Variants in ANK2 observed in about 807,000 individuals in gnomAD.
ANK2 encodes the protein ankyrin 2.
A neutral mutation model predicts 360.5 loss-of-function variants in ANK2; 83 were observed. That is an observed-to-expected ratio of 0.23 (90% CI 0.19 to 0.28). The LOEUF (loss-of-function observed/expected upper bound fraction) is 0.28, where lower values mean the gene tolerates loss of function less well. Among genes scored for constraint, ANK2 ranks in the 10% least tolerant of loss-of-function variants. The pLI is 1.00. For synonymous variants in ANK2, 1,740 were observed against 1,759.5 expected (o/e 0.99, Z 0.28); for missense variants, 4,201 against 4,795.7 (o/e 0.88, Z 3.66).
chr4:113,011,784 G>T (rs1433090857), intron 2 of ANK2, among the ~76,000 whole-genome samples: 1 of 151,984 alleles, frequency 6.6e-6, no homozygotes, highest in African/African-American at 2.4e-5. Flanking sequence ...AGTGCCTTTA[G>T]CTCAAAATAA....
chr4:113,170,119 T>C (rs1232097907), intron 1 of ANK2, among the ~76,000 whole-genome samples: 1 of 152,242 alleles, frequency 6.6e-6, no homozygotes, highest in Non-Finnish European at 1.5e-5. Flanking sequence ...TAAGAGAATA[T>C]AATCTTTGAA....
At chr4:112,798,225 T>C in the ANK2 span, 16 of 152,440 alleles carry the variant, frequency 1.0e-4, no homozygotes, top group Admixed American at 1.0e-3. Context: ...AACTTGATAG[T>C]AATATTTCTT....
intron 12 of ANK2, 21 bp from the exon 13 acceptor site, chr4:113,258,292 T>A: frequency 6.2e-7 from 1 of 1,612,214 alleles, no homozygotes; most frequent in Non-Finnish European, 8.5e-7. Context: ...GGAGTAAAAC[T>A]GCTGTTGCTT....
intron 1 of ANK2, among the ~76,000 whole-genome samples, chr4:112,844,367 A>G (rs1376598673): frequency 2.6e-5 from 4 of 152,200 alleles, no homozygotes; most frequent in Non-Finnish European, 5.9e-5. Context: ...ATATTTTATC[A>G]TACATTATTA....
At chr4:113,312,094 G>T (rs2080276097) in intron 24 of ANK2, among the ~76,000 whole-genome samples, 1 of 152,024 alleles carries the variant, frequency 6.6e-6, no homozygotes, top group African/African-American at 2.4e-5. Context: ...ATGACATTCT[G>T]TGGTTCCTCA....
At chr4:112,988,193 A>G (rs1240207159) in intron 2 of ANK2, among the ~76,000 whole-genome samples, 1 of 152,208 alleles carries the variant, frequency 6.6e-6, no homozygotes, top group Non-Finnish European at 1.5e-5. Flanking sequence ...ATTTTTATTG[A>G]GCATCTACTA....
At chr4:112,804,433 G>A in the ANK2 span, among the ~76,000 whole-genome samples, 1 of 152,244 alleles carries the variant, frequency 6.6e-6, no homozygotes, top group Admixed American at 6.5e-5. Context: ...ACAGGGCTAT[G>A]GTGGCATTAG....
the ANK2 span, among the ~76,000 whole-genome samples, chr4:112,768,410 T>C: frequency 6.6e-6 from 1 of 152,126 alleles, no homozygotes; most frequent in Middle Eastern, 3.4e-3. Flanking sequence ...CATGCCACCA[T>C]GCCCAGTTAA....
chr4:113,240,732 C>T (rs376244382), intron 8 of ANK2, 149 bp downstream of exon 8: 2 of 712,556 alleles, frequency 2.8e-6, no homozygotes. Flanking sequence ...CATTTCCTTT[C>T]TTTAAATCAC....
chr4:113,098,639 A>T (rs2092166038), intron 1 of ANK2, among the ~76,000 whole-genome samples: 1 of 152,022 alleles, frequency 6.6e-6, no homozygotes, highest in Admixed American at 6.6e-5. Flanking sequence ...ATTCTCTACA[A>T]TGTCTTCCAA....
intron 1 of ANK2, among the ~76,000 whole-genome samples, chr4:112,853,988 T>G (rs547179540): frequency 6.6e-6 from 1 of 152,326 alleles, no homozygotes; most frequent in Non-Finnish European, 1.5e-5. Flanking sequence ...AATGATTTAT[T>G]TATAGTTCCT....
chr4:112,767,044 C>G, the ANK2 span, among the ~76,000 whole-genome samples: 1 of 152,164 alleles, frequency 6.6e-6, no homozygotes, highest in Non-Finnish European at 1.5e-5. Context: ...CAGTATTGCT[C>G]ATATATTTTG....
chr4:113,061,886 G>A (rs1173975249), intron 1 of ANK2, among the ~76,000 whole-genome samples: 1 of 152,042 alleles, frequency 6.6e-6, no homozygotes, highest in Admixed American at 6.6e-5. Flanking sequence ...AAGGATAAAT[G>A]CTTGAAGTGA....
intron 4 of ANK2, among the ~76,000 whole-genome samples, chr4:113,199,535 T>G (rs2095379322): frequency 6.6e-6 from 1 of 152,128 alleles, no homozygotes; most frequent in African/African-American, 2.4e-5. Flanking sequence ...CTTTGGTCAG[T>G]TTACACCCCT....
At chr4:112,850,107 G>A (rs1482381680) in intron 1 of ANK2, among the ~76,000 whole-genome samples, 3 of 152,056 alleles carry the variant, frequency 2.0e-5, no homozygotes, top group Non-Finnish European at 4.4e-5. Context: ...CAGGTCTTCA[G>A]CCTCAAACTG....
At chr4:113,374,793 C>A in intron 45 of ANK2, 1 of 1,200,136 alleles carries the variant, frequency 8.3e-7, no homozygotes, top group Non-Finnish European at 1.1e-6. Flanking sequence ...GCATTTTGTC[C>A]AGTACCTCAC....
At chr4:112,933,905 T>C (rs1219387022) in intron 2 of ANK2, among the ~76,000 whole-genome samples, 1 of 127,292 alleles carries the variant, frequency 7.9e-6, no homozygotes, top group Admixed American at 7.4e-5. Context: ...CCTTGTGGAA[T>C]TTTTTTTTTT....
At chr4:113,202,712 G>A (rs60663950) in intron 4 of ANK2, among the ~76,000 whole-genome samples, 7,360 of 152,182 alleles carry the variant, frequency 0.048, 220 homozygotes, top group African/African-American at 0.079. Context: ...ACACACTTAC[G>A]GATTTTTCTG....
chr4:113,206,001 A>G (rs1316103221), intron 4 of ANK2, among the ~76,000 whole-genome samples: 1 of 152,198 alleles, frequency 6.6e-6, no homozygotes, highest in African/African-American at 2.4e-5. Context: ...TGGGATCTAT[A>G]GTCACAGATT....
Sources: gnomAD v4.1 joint callset for allele counts (sites outside exome capture counted in the v4.1 genomes callset) on GRCh38, gnomAD v4.1.1 for gene constraint, MANE v1.5 for transcripts, NCBI Gene and HGNC (gene_info 2026-07-23, HGNC 2026-07-21) for gene names.